Variants in CSGALNACT1 observed in about 807,000 individuals in gnomAD.
CSGALNACT1 encodes the protein chondroitin sulfate N-acetylgalactosaminyltransferase 1.
A neutral mutation model predicts 51.0 loss-of-function variants in CSGALNACT1; 52 were observed. The observed-to-expected ratio is 1.02, with a 90% CI of 0.82 to 1.29. The LOEUF is 1.29. Among genes scored for constraint, CSGALNACT1 ranks in the 50% most tolerant of loss-of-function variants. The probability of loss-of-function intolerance (pLI) is 0.00; values close to 1 mark genes in which losing one functional copy is unlikely to be tolerated. For synonymous variants in CSGALNACT1, 341 were observed against 254.4 expected (o/e 1.34, Z -3.24); for missense variants, 935 against 679.2 (o/e 1.38, Z -4.19).
Position 19,655,805 on chromosome 8 carries a change from C to T in CSGALNACT1, c.-544+26668G>A, listed in dbSNP as rs548913907. 5.9e-5 allele frequency among the ~76,000 whole-genome samples: 9 copies of T among 152,140 alleles called. No individual in the cohort carries two copies. In the East Asian group the frequency reaches 1.2e-3, roughly 20 times the overall value. On this transcript the variant is annotated intron_variant, in intron 1 of 9. Transcript: ENST00000332246. ...TACAAAAATATTCCAACTATCTCTT[C>T]GAGGCTATGGAACATAGAAATATGA... is the stretch of plus-strand genomic sequence containing the variant.
chr8:19,544,102 T>C (rs1202547985), intron 3 of CSGALNACT1, among the ~76,000 whole-genome samples: 1 of 152,036 alleles, frequency 6.6e-6, no homozygotes, highest in African/African-American at 2.4e-5. Flanking sequence ...ACAAGTTGTT[T>C]TGCTGCTGTT....
At chr8:19,637,198 T>C (rs1046485249) in intron 1 of CSGALNACT1, among the ~76,000 whole-genome samples, 1 of 152,136 alleles carries the variant, frequency 6.6e-6, no homozygotes, top group African/African-American at 2.4e-5. Context: ...AGAGACTCCA[T>C]CTCAAAATAA....
At chr8:19,584,338 T>C (rs576873718) in intron 3 of CSGALNACT1, among the ~76,000 whole-genome samples, 234 of 152,370 alleles carry the variant, frequency 1.5e-3, no homozygotes, top group African/African-American at 5.3e-3. Context: ...TTACTCATAC[T>C]GGGCCTTTGC....
intron 1 of CSGALNACT1, among the ~76,000 whole-genome samples, chr8:19,636,476 A>G (rs2056081804): frequency 6.6e-6 from 1 of 152,240 alleles, no homozygotes; most frequent in South Asian, 2.1e-4. Context: ...CCCTATAATC[A>G]GCACCACTTT....
At chr8:19,598,530 G>C (rs2049474819) in intron 2 of CSGALNACT1, among the ~76,000 whole-genome samples, 1 of 152,164 alleles carries the variant, frequency 6.6e-6, no homozygotes, top group African/African-American at 2.4e-5. Context: ...GTACATTAGA[G>C]TTTTATATTA....
At chr8:19,629,476 A>C (rs901828671) in intron 1 of CSGALNACT1, among the ~76,000 whole-genome samples, 2 of 152,230 alleles carry the variant, frequency 1.3e-5, no homozygotes, top group Admixed American at 6.5e-5. Context: ...TAAGCTTCAG[A>C]GAGGCTCAAC....
At chr8:19,674,345 AAG>A (rs2060011257) in intron 1 of CSGALNACT1, among the ~76,000 whole-genome samples, 2 of 152,146 alleles carry the variant, frequency 1.3e-5, no homozygotes. Context: ...AATGCACAAT[AAG>A]AGGGGATCAA....
chr8:19,726,853 T>G (rs978329445), intron 1 of CSGALNACT1, among the ~76,000 whole-genome samples: 3 of 152,168 alleles, frequency 2.0e-5, no homozygotes, highest in African/African-American at 7.2e-5. Flanking sequence ...AAAGGGGTTT[T>G]ATTAGGACAC....
intron 1 of CSGALNACT1, among the ~76,000 whole-genome samples, chr8:19,699,679 T>C (rs2061757626): frequency 6.6e-6 from 1 of 152,228 alleles, no homozygotes; most frequent in Admixed American, 6.5e-5. Context: ...GTTTCAATTT[T>C]GCAAGATGAA....
intron 1 of CSGALNACT1, among the ~76,000 whole-genome samples, chr8:19,675,574 C>T (rs6980879): frequency 0.47 from 71,684 of 151,800 alleles, 18,064 homozygotes; most frequent in Middle Eastern, 0.59. Context: ...CTCCCTATCA[C>T]CTCCGCCTCC....
intron 1 of CSGALNACT1, among the ~76,000 whole-genome samples, chr8:19,736,873 T>C (rs925472074): frequency 3.3e-5 from 5 of 151,808 alleles, no homozygotes; most frequent in East Asian, 1.9e-4. Flanking sequence ...TTTTCCAAGA[T>C]TGATGAAAGA....
chr8:19,703,737 C>A (rs915194952), intron 1 of CSGALNACT1, among the ~76,000 whole-genome samples: 2 of 152,194 alleles, frequency 1.3e-5, no homozygotes, highest in African/African-American at 4.8e-5. Context: ...CTGCATGTCT[C>A]CCTGATTGAT....
chr8:19,509,347 C>T (rs1307669834), intron 3 of CSGALNACT1, among the ~76,000 whole-genome samples: 2 of 152,034 alleles, frequency 1.3e-5, no homozygotes, highest in East Asian at 1.9e-4. Flanking sequence ...TGGCCGGGCA[C>T]GGTGGCTCAC....
At chr8:19,512,612 C>T (rs2078674389) in intron 3 of CSGALNACT1, among the ~76,000 whole-genome samples, 1 of 152,072 alleles carries the variant, frequency 6.6e-6, no homozygotes, top group African/African-American at 2.4e-5. Flanking sequence ...CTTGTGCCAT[C>T]AGAAATACAT....
intron 6 of CSGALNACT1, among the ~76,000 whole-genome samples, chr8:19,430,636 A>T (rs920905833): frequency 6.6e-6 from 1 of 152,134 alleles, no homozygotes; most frequent in Non-Finnish European, 1.5e-5. Flanking sequence ...TGAGAGTATG[A>T]GTCCTCCAAT....
intron 3 of CSGALNACT1, among the ~76,000 whole-genome samples, chr8:19,580,668 A>G (rs1402304387): frequency 1.3e-5 from 2 of 152,234 alleles, no homozygotes; most frequent in African/African-American, 2.4e-5. Context: ...ATAGAAAACA[A>G]GATCAAATGA....
chr8:19,584,079 G>A (rs889788832), intron 3 of CSGALNACT1, among the ~76,000 whole-genome samples: 1 of 152,106 alleles, frequency 6.6e-6, no homozygotes, highest in Non-Finnish European at 1.5e-5. Context: ...TCCAATTAAA[G>A]GCAACACTGA....
exon 10 of CSGALNACT1, chr8:19,405,888 C>T (rs896759104): frequency 6.2e-7 from 1 of 1,614,040 alleles, no homozygotes; most frequent in Non-Finnish European, 8.5e-7. Flanking sequence ...CGTTCATGGC[C>T]TTGGACTGCA....
At position 19,416,069 on chromosome 8, in the gene CSGALNACT1, C is replaced by A. The variant is rs2056805006; in HGVS notation, c.1227+2587G>T. On this transcript the variant is annotated intron_variant, in intron 8 of 9. Coordinates refer to ENST00000454498, the Ensembl canonical transcript of CSGALNACT1. ...AGGCTGCATATGAGATGGTGATCAC[C>A]CAGGAAGGCAAGGTTAACTTATTAT... is the stretch of plus-strand genomic sequence containing the variant. Among the ~76,000 whole-genome samples, 9 of 151,624 alleles carry A rather than the reference C, an allele frequency of 5.9e-5. No homozygotes were observed. The South Asian group carries it at 1.9e-3, about 32-fold the overall frequency.
Sources: allele counts gnomAD v4.1 joint callset (sites outside exome capture counted in the v4.1 genomes callset), GRCh38; gene constraint gnomAD v4.1.1; transcripts MANE v1.5; gene names NCBI Gene and HGNC (gene_info 2026-07-23, HGNC 2026-07-21).